The following ADGRB3 variants were observed in gnomAD, a reference collection of about 807,000 sequenced individuals.
ADGRB3 encodes the protein adhesion G protein-coupled receptor B3.
Under a neutral mutation model 193.4 loss-of-function variants are expected in ADGRB3, and 37 were observed. The observed-to-expected ratio is 0.19, with a 90% CI of 0.15 to 0.25. ADGRB3 has a LOEUF of 0.25. Ranked by LOEUF, ADGRB3 falls within the 10% of genes least tolerant of loss-of-function variation. The probability of loss-of-function intolerance (pLI) is 1.00; values close to 1 mark genes in which losing one functional copy is unlikely to be tolerated. For missense variants in ADGRB3, 1,637 were observed against 1,852.9 expected (o/e 0.88, Z 2.14); for synonymous variants, 690 against 644.2 (o/e 1.07, Z -1.08).
chr6:68,826,407 G>C (rs191312681), intron 3 of ADGRB3, among the ~76,000 whole-genome samples: 122 of 152,264 alleles, frequency 8.0e-4, no homozygotes, highest in African/African-American at 2.8e-3. Flanking sequence ...TTAGGGTATA[G>C]ATAAATAAAA....
intron 13 of ADGRB3, among the ~76,000 whole-genome samples, chr6:69,046,390 A>G (rs1200183905): frequency 2.6e-5 from 4 of 152,198 alleles, no homozygotes; most frequent in Non-Finnish European, 4.4e-5. Flanking sequence ...AGAATGTCCT[A>G]CTAACTTGCT....
chr6:69,263,945 A>G (rs1371049489), intron 20 of ADGRB3, among the ~76,000 whole-genome samples: 1 of 151,924 alleles, frequency 6.6e-6, no homozygotes, highest in African/African-American at 2.4e-5. Flanking sequence ...AATATGTTCT[A>G]TATACATTTA....
At chr6:68,688,756 T>C (rs2127300929) in intron 3 of ADGRB3, among the ~76,000 whole-genome samples, 1 of 152,334 alleles carries the variant, frequency 6.6e-6, no homozygotes, top group African/African-American at 2.4e-5. Flanking sequence ...TTAAGCTTTG[T>C]TGACTTCACA....
At position 68,639,037 on chromosome 6, in the gene ADGRB3, T is replaced by C. The variant is rs1308282622; in HGVS notation, c.362T>C (p.Leu121Pro). 6.2e-7 allele frequency: 1 copy of C among 1,613,610 alleles called. No homozygotes were observed. ...AATTCCAAGAATGCTTTCGTTTTTCTACAGTATGATAAAAATTTTATTCAA... is the reference window on the plus strand; with the variant it reads ...AATTCCAAGAATGCTTTCGTTTTTCCACAGTATGATAAAAATTTTATTCAA... ...LCNSKNAFVF[L>P]QYDKNFIQIR... Residue 121 changes from leucine to proline, a missense_variant, in exon 3 of 32, where the codon CTA (leucine) becomes CCA (proline). Transcript: ENST00000370598.
intron 3 of ADGRB3, among the ~76,000 whole-genome samples, chr6:68,698,532 T>C (rs1376409548): frequency 6.6e-6 from 1 of 152,108 alleles, no homozygotes; most frequent in Non-Finnish European, 1.5e-5. Flanking sequence ...TTCATTTTGT[T>C]CTATCTTTTA....
At chr6:69,358,668 A>G (rs967622716) in intron 28 of ADGRB3, among the ~76,000 whole-genome samples, 2 of 151,798 alleles carry the variant, frequency 1.3e-5, no homozygotes, top group African/African-American at 4.8e-5. Context: ...AAATGGCAGC[A>G]TTTCCATCTG....
chr6:68,715,445 C>T (rs1464087884), intron 3 of ADGRB3, among the ~76,000 whole-genome samples: 1 of 151,556 alleles, frequency 6.6e-6, no homozygotes, highest in African/African-American at 2.4e-5. Context: ...CAATATTAGA[C>T]CCTTTTCAAT....
chr6:69,105,939 A>T (rs1438191017), intron 17 of ADGRB3, among the ~76,000 whole-genome samples: 1 of 152,186 alleles, frequency 6.6e-6, no homozygotes, highest in African/African-American at 2.4e-5. Context: ...GTTTGAGACC[A>T]GCCTCGCCAA....
intron 13 of ADGRB3, among the ~76,000 whole-genome samples, chr6:69,042,924 T>G (rs543984224): frequency 6.6e-6 from 1 of 152,288 alleles, no homozygotes; most frequent in South Asian, 2.1e-4. Context: ...CCTTCAACAT[T>G]TGTTTATGGT....
chr6:69,338,292 A>T (rs1768894945), intron 24 of ADGRB3, among the ~76,000 whole-genome samples: 1 of 152,212 alleles, frequency 6.6e-6, no homozygotes, highest in Non-Finnish European at 1.5e-5. Flanking sequence ...GCAGAAAACT[A>T]TCACTCTTTT....
At chr6:68,748,185 A>G (rs958097912) in intron 3 of ADGRB3, among the ~76,000 whole-genome samples, 9 of 152,052 alleles carry the variant, frequency 5.9e-5, no homozygotes, top group African/African-American at 1.9e-4. Context: ...TAGCCCCTCT[A>G]AATCTCATGT....
chr6:68,643,058 G>T (rs1419869333), intron 3 of ADGRB3, among the ~76,000 whole-genome samples: 4 of 152,108 alleles, frequency 2.6e-5, no homozygotes, highest in Non-Finnish European at 4.4e-5. Flanking sequence ...TTCTACACCA[G>T]GATATCTAAA....
intron 17 of ADGRB3, among the ~76,000 whole-genome samples, chr6:69,230,927 A>G (rs1212682525): frequency 6.6e-6 from 1 of 152,214 alleles, no homozygotes. Context: ...AGATAAAGTC[A>G]GTGAGGGGAA....
intron 17 of ADGRB3, among the ~76,000 whole-genome samples, chr6:69,159,039 C>T (rs921521651): frequency 7.9e-5 from 12 of 151,980 alleles, no homozygotes; most frequent in African/African-American, 2.4e-4. Context: ...TTTCATCAGG[C>T]GCAGAACACT....
chr6:68,661,132 T>C (rs927726068), intron 3 of ADGRB3, among the ~76,000 whole-genome samples: 46 of 150,146 alleles, frequency 3.1e-4, no homozygotes, highest in Non-Finnish European at 5.8e-4. Flanking sequence ...TTACATGAGA[T>C]AGTAATGGCA....
intron 8 of ADGRB3, among the ~76,000 whole-genome samples, chr6:68,973,796 A>T (rs1261810960): frequency 6.6e-6 from 1 of 152,184 alleles, no homozygotes; most frequent in East Asian, 1.9e-4. Flanking sequence ...AAAGCACAAC[A>T]GTGTGTGTGT....
chr6:68,931,883 A>G (rs1158413086), intron 4 of ADGRB3, among the ~76,000 whole-genome samples: 3 of 152,184 alleles, frequency 2.0e-5, no homozygotes, highest in Non-Finnish European at 2.9e-5. Context: ...ATATATTGCA[A>G]CCAAATACAG....
chr6:69,137,469 C>T (rs573465971), intron 17 of ADGRB3, among the ~76,000 whole-genome samples: 3 of 151,760 alleles, frequency 2.0e-5, no homozygotes, highest in Non-Finnish European at 4.4e-5. Flanking sequence ...GAGTAGTTTC[C>T]GAAACAAGAG....
chr6:68,710,079 A>G (rs1765384705), intron 3 of ADGRB3, among the ~76,000 whole-genome samples: 2 of 152,166 alleles, frequency 1.3e-5, no homozygotes, highest in Admixed American at 6.5e-5. Context: ...GTGGACAGCA[A>G]ATGTGCACCT....
Sources: gnomAD v4.1 joint callset for allele counts (sites outside exome capture counted in the v4.1 genomes callset) on GRCh38, gnomAD v4.1.1 for gene constraint, MANE v1.5 for transcripts, NCBI Gene and HGNC (gene_info 2026-07-23, HGNC 2026-07-21) for gene names.